NARS2: variants seen among roughly 807,000 people sequenced by gnomAD.
The protein encoded by NARS2 is asparaginyl-tRNA synthetase.
In NARS2, 60 loss-of-function variants were observed where a neutral mutation model predicts 62.9. The ratio of observed to expected loss-of-function variants is 0.95; its 90% confidence interval spans 0.77 to 1.18. The LOEUF is 1.18. NARS2 is among the 50% of genes most tolerant of loss of function. The probability of loss-of-function intolerance (pLI) is 0.00; values close to 1 mark genes in which losing one functional copy is unlikely to be tolerated. For synonymous variants in NARS2, 196 were observed against 200.0 expected (o/e 0.98, Z 0.17); for missense variants, 619 against 576.4 (o/e 1.07, Z -0.76).
At chr11:78,547,166 A>T (rs1254882403) in intron 5 of NARS2, among the ~76,000 whole-genome samples, 2 of 152,160 alleles carry the variant, frequency 1.3e-5, no homozygotes, top group African/African-American at 2.4e-5. Context: ...CCCTGTATCC[A>T]TAAAAAATTT....
chr11:78,467,478 C>A (rs1033194155), intron 10 of NARS2, among the ~76,000 whole-genome samples: 6 of 152,014 alleles, frequency 3.9e-5, no homozygotes, highest in African/African-American at 1.4e-4. Context: ...GTGGAATCTG[C>A]AGTGAGCCAT....
chr11:78,556,866 G>C (rs1374452708), intron 5 of NARS2, among the ~76,000 whole-genome samples: 1 of 152,180 alleles, frequency 6.6e-6, no homozygotes, highest in African/African-American at 2.4e-5. Context: ...GTACAAACAA[G>C]GAATTTTGTA....
At chr11:78,546,930 A>G (rs1855900300) in intron 5 of NARS2, among the ~76,000 whole-genome samples, 1 of 152,238 alleles carries the variant, frequency 6.6e-6, no homozygotes, top group Non-Finnish European at 1.5e-5. Flanking sequence ...TTGATGCAAC[A>G]ATTCTGTATA....
At chr11:78,523,299 A>G (rs971238967) in intron 6 of NARS2, among the ~76,000 whole-genome samples, 4 of 142,754 alleles carry the variant, frequency 2.8e-5, no homozygotes, top group African/African-American at 1.2e-4. Context: ...CAGAACAGCT[A>G]CAATAAAAAG....
intron 2 of NARS2, 150 bp from the exon 3 acceptor site, chr11:78,568,902 G>T: frequency 1.7e-6 from 1 of 580,690 alleles, no homozygotes. Flanking sequence ...TGGATAATCT[G>T]TCGTATAAAT....
chr11:78,515,576 T>C (rs1860876435), intron 6 of NARS2, among the ~76,000 whole-genome samples: 1 of 152,126 alleles, frequency 6.6e-6, no homozygotes, highest in African/African-American at 2.4e-5. Flanking sequence ...TGGAGTGCAG[T>C]GGTGTGTTTA....
At chr11:78,437,554 GACTGAAACTCAGATTCTAAC>G (rs1248703208) in intron 13 of NARS2, among the ~76,000 whole-genome samples, 13 of 152,236 alleles carry the variant, frequency 8.5e-5, no homozygotes, top group African/African-American at 3.1e-4. Context: ...GCACAGACAT[GACTGAAACTCAGATTCTAAC>G]ACACCAGCAC....
At chr11:78,469,442 T>C (rs1272134822) in intron 9 of NARS2, 129 bp from the exon 10 acceptor site, 4 of 667,662 alleles carry the variant, frequency 6.0e-6, no homozygotes, top group Admixed American at 4.8e-5. Context: ...GAATTAAGGC[T>C]GATCTAATCC....
At chr11:78,487,411 A>AAGAC (rs1182321935) in intron 7 of NARS2, among the ~76,000 whole-genome samples, 4 of 151,844 alleles carry the variant, frequency 2.6e-5, no homozygotes, top group Admixed American at 6.6e-5. Flanking sequence ...GAAAGAAAGA[A>AAGAC]AGACAGACAG....
At chr11:78,506,155 T>C (rs369703158) in intron 6 of NARS2, among the ~76,000 whole-genome samples, 4 of 152,140 alleles carry the variant, frequency 2.6e-5, no homozygotes, top group African/African-American at 7.2e-5. Context: ...CAATGACATA[T>C]CCTATACTCA....
chr11:78,497,788 T>G (rs1264693275), intron 6 of NARS2, among the ~76,000 whole-genome samples: 2 of 152,070 alleles, frequency 1.3e-5, no homozygotes, highest in African/African-American at 4.8e-5. Context: ...TGGAAAGGGA[T>G]TATAAAAGAG....
rs747580509 is a variant in NARS2, at chr11:78,469,236, C to T, written c.1026+11G>A. 13 of 1,588,120 alleles carry T rather than the reference C, an allele frequency of 8.2e-6. No homozygotes were observed. The highest frequency in any genetic ancestry group is 6.9e-6 in the Non-Finnish European group (8 of 1,156,532). On this transcript the variant is annotated intron_variant, in intron 10 of 13. Coordinates refer to ENST00000281038, the MANE Select transcript of NARS2 (RefSeq NM_024678.6). ...TCACACACACATATATACATACACACAAAATACTACCTCTGGGGTAAAGGT... is the reference window on the plus strand; with the variant it reads ...TCACACACACATATATACATACACATAAAATACTACCTCTGGGGTAAAGGT...
chr11:78,501,819 A>T (rs1430888087), intron 6 of NARS2, among the ~76,000 whole-genome samples: 1 of 152,218 alleles, frequency 6.6e-6, no homozygotes, highest in Non-Finnish European at 1.5e-5. Context: ...GAATGACCCA[A>T]CTATTTCCTC....
intron 7 of NARS2, among the ~76,000 whole-genome samples, chr11:78,492,777 G>GT: frequency 6.6e-6 from 1 of 152,092 alleles, no homozygotes; most frequent in Non-Finnish European, 1.5e-5. Flanking sequence ...CATAACCTTA[G>GT]GAGTAAGCAC....
intron 5 of NARS2, among the ~76,000 whole-genome samples, chr11:78,553,597 A>G (rs1856212706): frequency 6.6e-6 from 1 of 152,062 alleles, no homozygotes; most frequent in Non-Finnish European, 1.5e-5. Context: ...CCATTTGCCC[A>G]CTTTTTAATG....
chr11:78,538,498 G>A (rs377761635), intron 5 of NARS2, among the ~76,000 whole-genome samples: 1 of 152,100 alleles, frequency 6.6e-6, no homozygotes, highest in African/African-American at 2.4e-5. Context: ...GGGTACTGGG[G>A]TATGGGAAGG....
Position 78,574,059 on chromosome 11 carries a change from G to T in NARS2, c.141+289C>A, listed in dbSNP as rs145019442. Among the ~76,000 whole-genome samples, 1,088 of 152,258 alleles carry T rather than the reference G, an allele frequency of 7.1e-3. 11 individuals carry two copies. The highest frequency in any genetic ancestry group is 0.012 in the Non-Finnish European group (835 of 68,030). The stretch of plus-strand genomic sequence containing the variant: ...ATAAACCTGGATATTCATTATAAGG[G>T]ATAAAGATAGAGAAAGGGGGCTTGT... On this transcript the variant is annotated intron_variant, in intron 1 of 13. Transcript: ENST00000281038.
intron 9 of NARS2, among the ~76,000 whole-genome samples, chr11:78,471,880 C>G (rs1858894679): frequency 6.6e-6 from 1 of 152,012 alleles, no homozygotes; most frequent in South Asian, 2.1e-4. Context: ...TTTTTTATGG[C>G]TGCATAGTAT....
intron 5 of NARS2, among the ~76,000 whole-genome samples, chr11:78,545,015 A>C (rs1855801929): frequency 1.3e-5 from 2 of 152,100 alleles, no homozygotes; most frequent in Non-Finnish European, 2.9e-5. Flanking sequence ...ACACCTGTTT[A>C]AGTCCTAATT....
Sources: allele counts gnomAD v4.1 joint callset (sites outside exome capture counted in the v4.1 genomes callset), GRCh38; gene constraint gnomAD v4.1.1; transcripts MANE v1.5; gene names NCBI Gene and HGNC (gene_info 2026-07-23, HGNC 2026-07-21).